Variants in BCAS3 observed in about 807,000 individuals in gnomAD.
BCAS3 encodes BCAS3 microtubule associated cell migration factor.
BCAS3 carries 53 observed loss-of-function variants against 116.1 expected under a neutral mutation model. The observed-to-expected ratio is 0.46, with a 90% CI of 0.37 to 0.57. The LOEUF (loss-of-function observed/expected upper bound fraction) is 0.57, where lower values mean the gene tolerates loss of function less well. Ranked by LOEUF, BCAS3 falls within the 20% of genes least tolerant of loss-of-function variation. The probability of loss-of-function intolerance (pLI) is 0.00; values close to 1 mark genes in which losing one functional copy is unlikely to be tolerated. For synonymous variants in BCAS3, 391 were observed against 408.2 expected (o/e 0.96, Z 0.51); for missense variants, 917 against 1,165.4 (o/e 0.79, Z 3.10).
rs917531264 is a variant in BCAS3, at chr17:61,229,333, T to A, written c.2426-138994T>A. Among the ~76,000 whole-genome samples the A allele has an allele frequency of 6.6e-5, 10 of 152,172 alleles. No individual in the cohort carries two copies. Among genetic ancestry groups the A allele is most frequent in the African/African-American group, 2.4e-4 (10 of 41,440 alleles). ...TTAAGGAAAGAAGCTATTTGCATAA[T>A]ATAAAAGGGCAAGATGAAGCAGCAA... On this transcript the variant is annotated intron_variant, in intron 22 of 23. Coordinates refer to ENST00000407086, the MANE Select transcript of BCAS3 (RefSeq NM_017679.5). This position sits in a 1 kb window ranked among gnomAD's most constrained non-coding sequence, Gnocchi z 4.4.
chr17:61,265,352 C>T lies in BCAS3; in HGVS notation c.2426-102975C>T, dbSNP rs904037157. Among the ~76,000 whole-genome samples the T allele has an allele frequency of 6.6e-6, 1 of 151,254 alleles. No homozygotes were observed. Among genetic ancestry groups the T allele is most frequent in the Admixed American group, 6.6e-5 (1 of 15,192 alleles). ...CCGAGAGGCAGAGGTTGCAGTGAGC[C>T]GAGATCGCACCATTGCACTCCAGCC... On this transcript the variant is annotated intron_variant, in intron 22 of 23. Coordinates refer to ENST00000407086, the MANE Select transcript of BCAS3 (RefSeq NM_017679.5). The surrounding 1 kb of genome is among the most constrained non-coding windows in gnomAD (Gnocchi z 4.3).
At chr17:61,044,533 A>G (rs2067867372) in intron 19 of BCAS3, among the ~76,000 whole-genome samples, 1 of 150,870 alleles carries the variant, frequency 6.6e-6, no homozygotes, top group Admixed American at 6.6e-5. Context: ...TGGGTTTTGT[A>G]ATACTTCATT....
rs1469851837 is a variant in BCAS3 at position 60,848,671 on chromosome 17, T to C, written c.477-19905T>C. The stretch of plus-strand genomic sequence containing the variant: ...TATGGAGTTAGCTGTGGGTTTTTCA[T>C]GAGCCATTTATCATGTTTTCAAGTT... On this transcript the variant is annotated intron_variant, in intron 7 of 23. Transcript: ENST00000407086. Among the ~76,000 whole-genome samples the C allele has an allele frequency of 2.0e-5, 3 of 152,112 alleles. No homozygotes were observed. The South Asian group carries it at 6.2e-4, about 32-fold the overall frequency.
intron 6 of BCAS3, among the ~76,000 whole-genome samples, chr17:60,758,756 C>G (rs990001921): frequency 2.6e-5 from 4 of 152,164 alleles, no homozygotes; most frequent in African/African-American, 9.6e-5. Flanking sequence ...GTGTTTATTG[C>G]TATAAACTTC....
At chr17:60,999,105 CTTTGTCGAA>C in intron 15 of BCAS3, among the ~76,000 whole-genome samples, 1 of 152,238 alleles carries the variant, frequency 6.6e-6, no homozygotes, top group East Asian at 1.9e-4. Context: ...TTTTTGTCGA[CTTTGTCGAA>C]GAATATCAGG....
rs1305869825 is a variant in BCAS3, at chr17:61,161,358, T to G, written c.2425+76794T>G. On this transcript the variant is annotated intron_variant, in intron 22 of 23. Coordinates refer to ENST00000407086, the MANE Select transcript of BCAS3 (RefSeq NM_017679.5). The surrounding 1 kb of genome is among the most constrained non-coding windows in gnomAD (Gnocchi z 4.8). Reference sequence around the variant, plus strand: ...AGAGGTATTCTGGTTACATTTGGAATTTAGAAAAGGCCTGGGATGGATTTT... The same window carrying G: ...AGAGGTATTCTGGTTACATTTGGAAGTTAGAAAAGGCCTGGGATGGATTTT... Among the ~76,000 whole-genome samples, 1 of 152,212 alleles carries G rather than the reference T, an allele frequency of 6.6e-6. No homozygotes were observed. The highest frequency in any genetic ancestry group is 6.5e-5 in the Admixed American group (1 of 15,280).
chr17:60,858,102 T>G (rs1390330369), intron 7 of BCAS3, among the ~76,000 whole-genome samples: 1 of 152,172 alleles, frequency 6.6e-6, no homozygotes, highest in Non-Finnish European at 1.5e-5. Flanking sequence ...TCATTCATTA[T>G]TAACTCATTC....
At chr17:61,146,368 CG>C (rs2077213992) in intron 22 of BCAS3, among the ~76,000 whole-genome samples, 1 of 151,512 alleles carries the variant, frequency 6.6e-6, no homozygotes, top group Non-Finnish European at 1.5e-5. Context: ...CCATCCCCCT[CG>C]GCCTCCTAAA....
intron 7 of BCAS3, among the ~76,000 whole-genome samples, chr17:60,814,659 T>A (rs2049201029): frequency 6.6e-6 from 1 of 152,244 alleles, no homozygotes; most frequent in South Asian, 2.1e-4. Flanking sequence ...AAAGATACTT[T>A]TGTTATTTTA....
At chr17:61,207,542 A>G (rs1007383307) in intron 22 of BCAS3, among the ~76,000 whole-genome samples, 2 of 152,010 alleles carry the variant, frequency 1.3e-5, no homozygotes, top group Non-Finnish European at 2.9e-5. Flanking sequence ...TTCCCATGGC[A>G]TTCTATTCTG....
chr17:60,881,130 A>G (rs1282982306), intron 9 of BCAS3, among the ~76,000 whole-genome samples: 4 of 152,098 alleles, frequency 2.6e-5, no homozygotes, highest in Admixed American at 6.6e-5. Flanking sequence ...GCCCGCCACC[A>G]CACCCTGCTA....
chr17:60,942,482 A>G (rs2060276471), intron 13 of BCAS3, among the ~76,000 whole-genome samples: 2 of 152,184 alleles, frequency 1.3e-5, no homozygotes, highest in Non-Finnish European at 2.9e-5. Flanking sequence ...GAATAACAGT[A>G]AGTAAAGAAT....
At chr17:60,857,239 G>A (rs1201026043) in intron 7 of BCAS3, among the ~76,000 whole-genome samples, 1 of 152,120 alleles carries the variant, frequency 6.6e-6, no homozygotes, top group Non-Finnish European at 1.5e-5. Flanking sequence ...TTTTAAAGAA[G>A]CATTTATTAA....
intron 14 of BCAS3, among the ~76,000 whole-genome samples, chr17:60,989,107 G>C (rs2063360687): frequency 6.6e-6 from 1 of 151,620 alleles, no homozygotes; most frequent in South Asian, 2.1e-4. Flanking sequence ...TTATTCTACT[G>C]TGCTTTTTCT....
At chr17:60,927,172 A>G (rs530122749) in intron 13 of BCAS3, among the ~76,000 whole-genome samples, 1 of 152,204 alleles carries the variant, frequency 6.6e-6, no homozygotes, top group African/African-American at 2.4e-5. Flanking sequence ...GGTAGTCTCT[A>G]TTTTGACAAT....
intron 22 of BCAS3, among the ~76,000 whole-genome samples, chr17:61,159,167 A>T (rs933955725): frequency 6.6e-6 from 1 of 152,186 alleles, no homozygotes; most frequent in Admixed American, 6.5e-5. Flanking sequence ...CAGAAGCAGA[A>T]AATCAATATG....
chr17:60,875,092 T>C (rs546842310), intron 9 of BCAS3, among the ~76,000 whole-genome samples: 3 of 152,230 alleles, frequency 2.0e-5, no homozygotes, highest in African/African-American at 2.4e-5. Flanking sequence ...CCTTTACATA[T>C]GAGCAAAATT....
rs370799295 is a variant in BCAS3, at chr17:61,348,877, C to T, written c.2426-19450C>T. On this transcript the variant is annotated intron_variant, in intron 22 of 23. Coordinates refer to ENST00000407086, the MANE Select transcript of BCAS3 (RefSeq NM_017679.5). The surrounding 1 kb of genome is among the most constrained non-coding windows in gnomAD (Gnocchi z 4.5). ...ATGCCATTCTCCTGCCTCAGCTTCC[C>T]GAGTAGCTGGGACTACAGGCGCCCA... is the stretch of plus-strand genomic sequence containing the variant. Among the ~76,000 whole-genome samples the T allele has an allele frequency of 1.4e-3, 217 of 152,020 alleles. 1 individual carries two copies. The highest frequency in any genetic ancestry group is 5.0e-3 in the African/African-American group (208 of 41,470).
intron 1 of BCAS3, among the ~76,000 whole-genome samples, chr17:60,678,553 T>A (rs182887064): frequency 1.2e-4 from 19 of 152,312 alleles, no homozygotes; most frequent in Admixed American, 2.0e-4. Context: ...CAGGATTTAC[T>A]GATGTGACGG....
Sources: gnomAD v4.1 joint callset for allele counts (sites outside exome capture counted in the v4.1 genomes callset) on GRCh38, gnomAD v4.1.1 for gene constraint, Gnocchi (gnomAD v3.1) non-coding constraint, MANE v1.5 for transcripts, NCBI Gene and HGNC (gene_info 2026-07-23, HGNC 2026-07-21) for gene names.